GPC6: variants seen among roughly 807,000 people sequenced by gnomAD.
The protein encoded by GPC6 is glypican 6, also known as glypican-6.
A neutral mutation model predicts 55.2 loss-of-function variants in GPC6; 14 were observed. The observed-to-expected ratio is 0.25, with a 90% CI of 0.17 to 0.40. The LOEUF is 0.40. Ranked by LOEUF, GPC6 falls within the 10% of genes least tolerant of loss-of-function variation. The pLI is 1.00. For missense variants in GPC6, 641 were observed against 708.5 expected (o/e 0.90, Z 1.08); for synonymous variants, 278 against 259.6 (o/e 1.07, Z -0.68).
At chr13:94,331,149 G>C (rs1374826222) in intron 6 of GPC6, among the ~76,000 whole-genome samples, 1 of 152,110 alleles carries the variant, frequency 6.6e-6, no homozygotes, top group Non-Finnish European at 1.5e-5. Flanking sequence ...GGGTCAGCTA[G>C]TCAGACAAGT....
chr13:94,174,739 G>A (rs1462588420), intron 4 of GPC6, among the ~76,000 whole-genome samples: 1 of 152,104 alleles, frequency 6.6e-6, no homozygotes, highest in Non-Finnish European at 1.5e-5. Context: ...TGAAAACTGA[G>A]CCTCAACTTC....
rs916092910 is a variant in GPC6, at chr13:93,527,214, T to TTG, written c.161-18038_161-18037dup. Among the ~76,000 whole-genome samples the TTG allele has an allele frequency of 6.6e-4, 101 of 151,980 alleles. 3 individuals carry two copies. Among genetic ancestry groups the TTG allele is most frequent in the Admixed American group, 3.3e-4 (5 of 15,252 alleles). The stretch of plus-strand genomic sequence containing the variant: ...ATCCATCACCTACCATAGTTACCTT[T>TTG]TGTGTGTGTGTGGTAAGAGCACCTA... On this transcript the variant is annotated intron_variant, in intron 1 of 8. Coordinates refer to ENST00000377047, the MANE Select transcript of GPC6 (RefSeq NM_005708.5).
chr13:94,343,900 T>A (rs1878160302), intron 6 of GPC6, among the ~76,000 whole-genome samples: 1 of 152,030 alleles, frequency 6.6e-6, no homozygotes, highest in Admixed American at 6.6e-5. Context: ...CCAGCTAATT[T>A]TTGTATTTTT....
chr13:93,764,292 A>G (rs1885042623), intron 2 of GPC6, among the ~76,000 whole-genome samples: 1 of 147,426 alleles, frequency 6.8e-6, no homozygotes, highest in Admixed American at 6.7e-5. Flanking sequence ...ATATGCAACA[A>G]TAGCATTTTT....
intron 1 of GPC6, among the ~76,000 whole-genome samples, chr13:93,422,351 T>C (rs183206878): frequency 4.5e-4 from 68 of 152,206 alleles, no homozygotes; most frequent in African/African-American, 1.6e-3. Context: ...GCTCTTAAAG[T>C]ATAGTTTGCC....
At chr13:94,144,650 A>T (rs770615423) in intron 4 of GPC6, among the ~76,000 whole-genome samples, 16 of 152,120 alleles carry the variant, frequency 1.1e-4, no homozygotes, top group Middle Eastern at 6.8e-3. Context: ...TTTTACAAAG[A>T]CTTGTCTAAA....
chr13:93,581,424 C>A (rs1045495451), intron 2 of GPC6, among the ~76,000 whole-genome samples: 1 of 152,110 alleles, frequency 6.6e-6, no homozygotes. Context: ...AAAATAAAAT[C>A]TCCGCCAGGT....
intron 2 of GPC6, among the ~76,000 whole-genome samples, chr13:93,719,129 A>G (rs1226547346): frequency 6.6e-6 from 1 of 151,814 alleles, no homozygotes; most frequent in Non-Finnish European, 1.5e-5. Context: ...AGAAAGTCAA[A>G]GGTAGCTTGA....
intron 1 of GPC6, among the ~76,000 whole-genome samples, chr13:93,255,154 T>C (rs1876911366): frequency 6.6e-6 from 1 of 152,206 alleles, no homozygotes; most frequent in Non-Finnish European, 1.5e-5. Context: ...ATTCCAGAAC[T>C]AGTGGAAAGA....
chr13:94,136,133 AG>A (rs1404627886), intron 4 of GPC6, among the ~76,000 whole-genome samples: 1 of 152,230 alleles, frequency 6.6e-6, no homozygotes, highest in Non-Finnish European at 1.5e-5. Flanking sequence ...AATGTAGAAA[AG>A]GGAATAATCT....
chr13:94,259,357 G>C (rs1891592342), intron 4 of GPC6, among the ~76,000 whole-genome samples: 1 of 152,198 alleles, frequency 6.6e-6, no homozygotes, highest in African/African-American at 2.4e-5. Flanking sequence ...ACAAATTAGG[G>C]TTCCATTAAC....
intron 1 of GPC6, among the ~76,000 whole-genome samples, chr13:93,494,392 C>T (rs1317924568): frequency 6.7e-6 from 1 of 149,312 alleles, no homozygotes; most frequent in Non-Finnish European, 1.5e-5. Flanking sequence ...CTTCCTCCAT[C>T]CTTTTATTTT....
chr13:94,354,404 A>G (rs1235953022), intron 6 of GPC6, among the ~76,000 whole-genome samples: 1 of 152,192 alleles, frequency 6.6e-6, no homozygotes, highest in African/African-American at 2.4e-5. Flanking sequence ...TTTTATAGAG[A>G]TAATCTATAT....
chr13:94,335,612 C>G (rs1230560790), intron 6 of GPC6, among the ~76,000 whole-genome samples: 1 of 151,964 alleles, frequency 6.6e-6, no homozygotes, highest in Non-Finnish European at 1.5e-5. Flanking sequence ...AATATACAAT[C>G]CTGAAAGAAT....
intron 1 of GPC6, among the ~76,000 whole-genome samples, chr13:93,383,867 A>G (rs1184795824): frequency 1.4e-4 from 21 of 152,110 alleles, no homozygotes; most frequent in Admixed American, 1.3e-3. Context: ...TGAATATTCC[A>G]TCATATCTTC....
intron 4 of GPC6, among the ~76,000 whole-genome samples, chr13:94,076,164 A>G (rs1359983964): frequency 6.6e-6 from 1 of 151,446 alleles, no homozygotes; most frequent in Non-Finnish European, 1.5e-5. Flanking sequence ...TCATCCTAGC[A>G]GGTGTGAGGT....
At chr13:93,456,096 G>C (rs1216189826) in intron 1 of GPC6, among the ~76,000 whole-genome samples, 1 of 152,148 alleles carries the variant, frequency 6.6e-6, no homozygotes, top group Non-Finnish European at 1.5e-5. Context: ...GCGAGGGCTG[G>C]AGAATTGTAA....
intron 1 of GPC6, among the ~76,000 whole-genome samples, chr13:93,368,259 C>G (rs1296531185): frequency 6.6e-6 from 1 of 150,644 alleles, no homozygotes; most frequent in Non-Finnish European, 1.5e-5. Flanking sequence ...TACTCCTTTG[C>G]CTCCCTTTCC....
At position 93,836,156 on chromosome 13, in the gene GPC6, C is replaced by T. The variant is rs1214803123; in HGVS notation, c.711+5611C>T. 1.8e-4 allele frequency: 27 copies of T among 152,096 alleles called. 1 individual carries two copies. The highest frequency in any genetic ancestry group is 1.8e-3 in the Admixed American group (27 of 15,268). 9.4% of individuals were successfully genotyped at this position (152,096 alleles called of 1,614,324 possible). On this transcript the variant is annotated intron_variant, in intron 3 of 8. Transcript: ENST00000377047. ...GCATTAATGTGTGCCTAGAAAGCAA[C>T]AGACAAAGTCAACTTTCAATAAATG...
Sources: gnomAD v4.1 joint callset for allele counts (sites outside exome capture counted in the v4.1 genomes callset) on GRCh38, gnomAD v4.1.1 for gene constraint, MANE v1.5 for transcripts, NCBI Gene and HGNC (gene_info 2026-07-23, HGNC 2026-07-21) for gene names.